Variants in SH3GL3 observed in about 807,000 individuals in gnomAD.
The protein encoded by SH3GL3 is SH3 domain containing GRB2 like 3, endophilin A3, also known as endophilin-A3.
Under a neutral mutation model 47.7 loss-of-function variants are expected in SH3GL3, and 33 were observed. That is an observed-to-expected ratio of 0.69 (90% confidence interval 0.52 to 0.92). The LOEUF (loss-of-function observed/expected upper bound fraction) is 0.92, where lower values mean the gene tolerates loss of function less well. Among genes scored for constraint, SH3GL3 ranks in the 40% least tolerant of loss-of-function variants. SH3GL3 has a pLI of 0.00. For missense variants in SH3GL3, 363 were observed against 417.8 expected (o/e 0.87, Z 1.14); for synonymous variants, 155 against 148.8 (o/e 1.04, Z -0.30).
rs747277996 is a variant in SH3GL3 at position 83,588,650 on chromosome 15, T to C, written c.729-12T>C. 1 of 1,502,104 alleles carries C rather than the reference T, an allele frequency of 6.7e-7. No homozygotes were observed. The highest frequency in any genetic ancestry group is 9.3e-7 in the Non-Finnish European group (1 of 1,078,058). 93.0% of individuals were successfully genotyped at this position (1,502,104 alleles called of 1,614,324 possible). A position where few individuals can be genotyped will look rare whatever the true frequency, so the allele number is the denominator to read the frequency against. The stretch of plus-strand genomic sequence containing the variant: ...ATCAGATGTCTGGCTCATCTTACGA[T>C]GTGTGTTACAGAATATCAGCTGCAT... On this transcript the variant is annotated splice_polypyrimidine_tract_variant and intron_variant, in intron 7 of 8. Coordinates refer to ENST00000427482, the MANE Select transcript of SH3GL3 (RefSeq NM_003027.5).
At chr15:83,465,047 T>TG (rs2040503617) in intron 1 of SH3GL3, among the ~76,000 whole-genome samples, 1 of 147,940 alleles carries the variant, frequency 6.8e-6, no homozygotes, top group African/African-American at 2.5e-5. Context: ...ACAGCTCATG[T>TG]GGGAAAAAAA....
chr15:83,457,570 A>C (rs2040060356), intron 1 of SH3GL3, among the ~76,000 whole-genome samples: 2 of 152,220 alleles, frequency 1.3e-5, no homozygotes, highest in African/African-American at 4.8e-5. Flanking sequence ...TATTCTTTGT[A>C]AATCATGAGA....
intron 1 of SH3GL3, among the ~76,000 whole-genome samples, chr15:83,519,290 C>T (rs2151647358): frequency 6.6e-6 from 1 of 152,262 alleles, no homozygotes; most frequent in South Asian, 2.1e-4. Flanking sequence ...ATTGATTCTT[C>T]CAATCCATGA....
intron 1 of SH3GL3, among the ~76,000 whole-genome samples, chr15:83,539,235 T>C (rs971636249): frequency 6.6e-6 from 1 of 152,226 alleles, no homozygotes; most frequent in Non-Finnish European, 1.5e-5. Flanking sequence ...TTCTCATGCT[T>C]CTGGAGGCTG....
Position 83,449,428 on chromosome 15 carries a change from T to TA in SH3GL3, c.45+1851dup, listed in dbSNP as rs1333890306. On this transcript the variant is annotated intron_variant, in intron 1 of 8. Transcript: ENST00000427482. ...CAGAGTAATCGCTGGCTGTACTTGT[T>TA]ACATTGGCTTCCTTAGCACTGGCAG... Among the ~76,000 whole-genome samples, 3 of 152,214 alleles carry TA rather than the reference T, an allele frequency of 2.0e-5. No homozygotes were observed. The East Asian group carries it at 5.8e-4, about 29-fold the overall frequency.
chr15:83,487,870 T>C (rs1270995112), intron 1 of SH3GL3, among the ~76,000 whole-genome samples: 5 of 146,812 alleles, frequency 3.4e-5, no homozygotes, highest in African/African-American at 1.2e-4. Flanking sequence ...TTCTTTTCTT[T>C]TTCTTTTCTT....
chr15:83,617,522 C>A (rs2060856252), intron 8 of SH3GL3, among the ~76,000 whole-genome samples: 1 of 152,088 alleles, frequency 6.6e-6, no homozygotes, highest in South Asian at 2.1e-4. Context: ...ACTAAAAATA[C>A]AAAATTAGCT....
chr15:83,530,630 T>A (rs924927468), intron 1 of SH3GL3, among the ~76,000 whole-genome samples: 8 of 151,976 alleles, frequency 5.3e-5, no homozygotes, highest in Non-Finnish European at 1.0e-4. Context: ...TTTTTTTTAA[T>A]AAGAGGATTT....
intron 1 of SH3GL3, among the ~76,000 whole-genome samples, chr15:83,514,135 CATA>C (rs2042885774): frequency 6.6e-6 from 1 of 152,126 alleles, no homozygotes; most frequent in African/African-American, 2.4e-5. Context: ...TAGAGTTTGG[CATA>C]ATATTATGTG....
At chr15:83,472,112 G>T (rs921241142) in intron 1 of SH3GL3, among the ~76,000 whole-genome samples, 5 of 152,160 alleles carry the variant, frequency 3.3e-5, no homozygotes, top group African/African-American at 1.2e-4. Flanking sequence ...TCGAACTCCT[G>T]ACCTCAGGTG....
In SH3GL3 at chr15:83,593,359, C is replaced by A. The variant is rs1267306010; in HGVS notation, c.838+4588C>A. ...TATTGTATTTCCCATTTATTTAGGTCTTCTTGAATTTCTCTCAGCAGTGTT... is the reference window on the plus strand; with the variant it reads ...TATTGTATTTCCCATTTATTTAGGTATTCTTGAATTTCTCTCAGCAGTGTT... On this transcript the variant is annotated intron_variant, in intron 8 of 8. Transcript: ENST00000427482. Among the ~76,000 whole-genome samples, 4 of 152,258 alleles carry A rather than the reference C, an allele frequency of 2.6e-5. No homozygotes were observed. The South Asian group carries it at 8.3e-4, about 32-fold the overall frequency.
chr15:83,525,668 T>A (rs1219704315), intron 1 of SH3GL3, among the ~76,000 whole-genome samples: 1 of 152,182 alleles, frequency 6.6e-6, no homozygotes, highest in Non-Finnish European at 1.5e-5. Context: ...TATGTTTAAG[T>A]CTTAAATCTA....
At chr15:83,456,776 G>A (rs964422341) in intron 1 of SH3GL3, among the ~76,000 whole-genome samples, 6 of 151,674 alleles carry the variant, frequency 4.0e-5, no homozygotes, top group Non-Finnish European at 7.4e-5. Flanking sequence ...CTTCTGCGTC[G>A]CTCACGCTGG....
At chr15:83,621,282 C>T (rs189578153), downstream of SH3GL3, among the ~76,000 whole-genome samples, 3 of 152,332 alleles carry the variant, frequency 2.0e-5, no homozygotes, top group Non-Finnish European at 4.4e-5. Flanking sequence ...CAATAAGCCT[C>T]CCTCACTAAG....
At chr15:83,456,854 A>G (rs1478786066) in intron 1 of SH3GL3, among the ~76,000 whole-genome samples, 1 of 152,186 alleles carries the variant, frequency 6.6e-6, no homozygotes, top group African/African-American at 2.4e-5. Flanking sequence ...AAATTTTTCA[A>G]GTGCATAGTT....
chr15:83,587,411 C>T (rs979195379), intron 7 of SH3GL3, among the ~76,000 whole-genome samples: 1 of 151,734 alleles, frequency 6.6e-6, no homozygotes, highest in African/African-American at 2.4e-5. Flanking sequence ...ACAGAACTAC[C>T]CTGGCTTCAT....
intron 8 of SH3GL3, among the ~76,000 whole-genome samples, chr15:83,611,070 G>A (rs1033986702): frequency 1.3e-4 from 20 of 151,608 alleles, no homozygotes; most frequent in African/African-American, 3.4e-4. Flanking sequence ...AATAAGTGGA[G>A]TTGGGGGAGG....
At chr15:83,572,115 C>T (rs2045848717) in intron 4 of SH3GL3, among the ~76,000 whole-genome samples, 1 of 152,150 alleles carries the variant, frequency 6.6e-6, no homozygotes, top group South Asian at 2.1e-4. Flanking sequence ...TGAGAAGATC[C>T]CACGGCTAGA....
At chr15:83,575,198 A>T (rs1255791375) in intron 5 of SH3GL3, among the ~76,000 whole-genome samples, 1 of 152,204 alleles carries the variant, frequency 6.6e-6, no homozygotes, top group Non-Finnish European at 1.5e-5. Flanking sequence ...CCCCAAATGC[A>T]CAGTTGTAAA....
Sources: gnomAD v4.1 joint callset for allele counts (sites outside exome capture counted in the v4.1 genomes callset) on GRCh38, gnomAD v4.1.1 for gene constraint, MANE v1.5 for transcripts, NCBI Gene and HGNC (gene_info 2026-07-23, HGNC 2026-07-21) for gene names.